The following GNAO1 variants were observed in gnomAD, a reference collection of about 807,000 sequenced individuals.
GNAO1 encodes guanine nucleotide-binding protein G(o) subunit alpha.
For missense variants in GNAO1, 166 were observed against 478.7 expected (o/e 0.35, Z 6.10); for synonymous variants, 164 against 180.7 (o/e 0.91, Z 0.74).
intron 3 of GNAO1, among the ~76,000 whole-genome samples, chr16:56,282,205 T>C (rs1389137805): frequency 6.6e-6 from 1 of 152,204 alleles, no homozygotes; most frequent in Non-Finnish European, 1.5e-5. Context: ...GGGTAAATTA[T>C]GTAACCTCTC....
intron 4 of GNAO1, among the ~76,000 whole-genome samples, chr16:56,330,504 G>A (rs909180768): frequency 6.6e-6 from 1 of 152,060 alleles, no homozygotes; most frequent in Non-Finnish European, 1.5e-5. Flanking sequence ...CAAATGCAGA[G>A]GGATGTAAAA....
intron 2 of GNAO1, among the ~76,000 whole-genome samples, chr16:56,211,766 C>T (rs1596799006): frequency 1.3e-5 from 2 of 152,282 alleles, no homozygotes; most frequent in East Asian, 3.9e-4. Context: ...CCCAGCACCC[C>T]CTCCCGCTTC....
intron 2 of GNAO1, among the ~76,000 whole-genome samples, chr16:56,261,843 C>G (rs1003322370): frequency 6.6e-6 from 1 of 152,208 alleles, no homozygotes; most frequent in Admixed American, 6.5e-5. Flanking sequence ...GTCCGATGCC[C>G]TGCTGCCATC....
chr16:56,276,681 A>C (rs1480201006), intron 3 of GNAO1: 1 of 152,266 alleles, frequency 6.6e-6, no homozygotes, highest in Non-Finnish European at 1.5e-5. Context: ...AAAAGCCTCT[A>C]ATTTGCAAAC....
chr16:56,253,230 G>A (rs955724448), intron 2 of GNAO1, among the ~76,000 whole-genome samples: 2 of 152,038 alleles, frequency 1.3e-5, no homozygotes, highest in South Asian at 2.1e-4. Flanking sequence ...CACCCTCCTC[G>A]TTCCTCCATC....
chr16:56,192,019 C>T lies in GNAO1; in HGVS notation c.-217C>T. 1.7e-6 allele frequency: 1 copy of T among 586,246 alleles called. No individual in the cohort carries two copies. Among genetic ancestry groups the T allele is most frequent in the South Asian group, 2.0e-5 (1 of 48,980 alleles). The allele number at this position is 586,246 out of a possible 1,614,324, so 36.3% of individuals were successfully genotyped here. A position where few individuals can be genotyped will look rare whatever the true frequency, so the allele number is the denominator to read the frequency against. On this transcript the variant is annotated 5_prime_UTR_variant, in exon 1 of 9. Coordinates refer to ENST00000262493, the MANE Select transcript of GNAO1 (RefSeq NM_020988.3). ...CCCTCGATTCGACAACCCCAGACCC[C>T]TGCCAGCTGCCGCGAGTCTCCGCTG...
At chr16:56,195,327 G>T (rs1159574268) in intron 2 of GNAO1, among the ~76,000 whole-genome samples, 1 of 152,178 alleles carries the variant, frequency 6.6e-6, no homozygotes, top group Non-Finnish European at 1.5e-5. Context: ...TTCCAGCTTG[G>T]CTTGAAATAC....
intron 3 of GNAO1, among the ~76,000 whole-genome samples, chr16:56,319,586 G>T (rs2037551698): frequency 6.6e-6 from 1 of 152,118 alleles, no homozygotes; most frequent in Admixed American, 6.5e-5. Flanking sequence ...TATACTGATT[G>T]TCACCAGGGT....
At chr16:56,320,888 T>C (rs2037564664) in intron 3 of GNAO1, among the ~76,000 whole-genome samples, 1 of 152,190 alleles carries the variant, frequency 6.6e-6, no homozygotes, top group South Asian at 2.1e-4. Flanking sequence ...GACATGCATG[T>C]CCATGAACTC....
chr16:56,282,333 A>G (rs2037122702), intron 3 of GNAO1, among the ~76,000 whole-genome samples: 2 of 151,730 alleles, frequency 1.3e-5, no homozygotes, highest in Admixed American at 1.3e-4. Flanking sequence ...TGCCTGTCAC[A>G]TAGCAACTTC....
intron 6 of GNAO1, among the ~76,000 whole-genome samples, chr16:56,348,637 G>A (rs1012482271): frequency 3.9e-5 from 6 of 152,316 alleles, no homozygotes; most frequent in South Asian, 2.1e-4. Context: ...GTACCCCGGC[G>A]TCTGCTTCCT....
At chr16:56,224,174 G>C (rs1283168634) in intron 2 of GNAO1, among the ~76,000 whole-genome samples, 1 of 152,188 alleles carries the variant, frequency 6.6e-6, no homozygotes, top group African/African-American at 2.4e-5. Context: ...TCTAGATCCT[G>C]TGGTCTAAGC....
chr16:56,324,703 G>T (rs2037614109), intron 3 of GNAO1, among the ~76,000 whole-genome samples: 1 of 152,238 alleles, frequency 6.6e-6, no homozygotes, highest in Non-Finnish European at 1.5e-5. Flanking sequence ...GGGGGGCCCG[G>T]ACAGCCTTCA....
At chr16:56,236,923 G>T (rs145580058) in intron 2 of GNAO1, among the ~76,000 whole-genome samples, 1 of 152,288 alleles carries the variant, frequency 6.6e-6, no homozygotes, top group East Asian at 1.9e-4. Flanking sequence ...TTGGATATCT[G>T]TGTCTAGCTT....
At chr16:56,253,279 C>T (rs186695815) in intron 2 of GNAO1, among the ~76,000 whole-genome samples, 12 of 152,280 alleles carry the variant, frequency 7.9e-5, no homozygotes, top group Middle Eastern at 3.4e-3. Flanking sequence ...CTCCTCCTGC[C>T]ACTTTGTCTT....
intron 3 of GNAO1, among the ~76,000 whole-genome samples, chr16:56,281,038 A>T (rs763203008): frequency 6.6e-5 from 10 of 152,184 alleles, no homozygotes; most frequent in Non-Finnish European, 1.2e-4. Context: ...CCTAACAGCT[A>T]CCTGTGCTGT....
intron 2 of GNAO1, among the ~76,000 whole-genome samples, chr16:56,228,777 G>T (rs768179627): frequency 6.6e-6 from 1 of 152,130 alleles, no homozygotes; most frequent in Non-Finnish European, 1.5e-5. Context: ...AGGTCTGCAT[G>T]AATGTCACTT....
At chr16:56,219,540 G>A in intron 2 of GNAO1, among the ~76,000 whole-genome samples, 1 of 152,102 alleles carries the variant, frequency 6.6e-6, no homozygotes, top group East Asian at 1.9e-4. Context: ...TTTTTCTTTG[G>A]TATCGGATAT....
intron 3 of GNAO1, among the ~76,000 whole-genome samples, chr16:56,325,252 G>A (rs1046501686): frequency 6.6e-6 from 1 of 152,224 alleles, no homozygotes; most frequent in African/African-American, 2.4e-5. Context: ...CAAGGCGGGT[G>A]GATCACCTGA....
Sources: allele counts gnomAD v4.1 joint callset (sites outside exome capture counted in the v4.1 genomes callset), GRCh38; gene constraint gnomAD v4.1.1; transcripts MANE v1.5; gene names NCBI Gene and HGNC (gene_info 2026-07-23, HGNC 2026-07-21).